Variants in SEPTIN14 observed in about 807,000 individuals in gnomAD.
The protein encoded by SEPTIN14 is septin-14.
Under a neutral mutation model 53.6 loss-of-function variants are expected in SEPTIN14, and 40 were observed. That is an observed-to-expected ratio of 0.75 (90% CI 0.58 to 0.97). The LOEUF is 0.97. Among genes scored for constraint, SEPTIN14 ranks in the 50% least tolerant of loss-of-function variants. The probability of loss-of-function intolerance (pLI) is 0.00; values close to 1 mark genes in which losing one functional copy is unlikely to be tolerated. For missense variants in SEPTIN14, 471 were observed against 508.2 expected, an observed-to-expected ratio of 0.93 and a Z score of 0.70; for synonymous variants, 138 against 166.8, an observed-to-expected ratio of 0.83 and a Z score of 1.33.
rs1788419677 is a variant in SEPTIN14 at position 55,795,698 on chromosome 7, C to T, written c.*215G>A. ...GGTCAGGCTGGTTTTGAACTCCTGA[C>T]CTCAGGTGGTCCACCCGCCTCAGCC... is the stretch of plus-strand genomic sequence containing the variant. On this transcript the variant is annotated 3_prime_UTR_variant, in exon 10 of 10. Coordinates refer to ENST00000388975, the MANE Select transcript of SEPTIN14 (RefSeq NM_207366.3). 3.8e-6 allele frequency: 2 copies of T among 532,572 alleles called. No individual in the cohort carries two copies. Among genetic ancestry groups the T allele is most frequent in the East Asian group, 3.5e-5 (1 of 28,784 alleles). 33.0% of individuals were successfully genotyped at this position (532,572 alleles called of 1,614,324 possible). A position where few individuals can be genotyped will look rare whatever the true frequency, so the allele number is the denominator to read the frequency against.
At chr7:55,805,916 A>G (rs1788603205) in intron 8 of SEPTIN14, among the ~76,000 whole-genome samples, 1 of 152,202 alleles carries the variant, frequency 6.6e-6, no homozygotes, top group Admixed American at 6.5e-5. Context: ...AGATAGTTAA[A>G]TTTTGGGTGT....
At chr7:55,845,796 T>A (rs1424497970) in intron 3 of SEPTIN14, among the ~76,000 whole-genome samples, 1 of 151,714 alleles carries the variant, frequency 6.6e-6, no homozygotes, top group African/African-American at 2.4e-5. Flanking sequence ...ACGCCTGTAA[T>A]CCCAGCACTT....
At chr7:55,841,770 G>A (rs937446400) in intron 5 of SEPTIN14, among the ~76,000 whole-genome samples, 8 of 150,346 alleles carry the variant, frequency 5.3e-5, no homozygotes, top group Non-Finnish European at 4.4e-5. Flanking sequence ...CAGGAGAATC[G>A]CTTGAACCCA....
At chr7:55,809,553 TG>T (rs750542957) in intron 7 of SEPTIN14, among the ~76,000 whole-genome samples, 2 of 151,298 alleles carry the variant, frequency 1.3e-5, no homozygotes, top group Non-Finnish European at 2.9e-5. Flanking sequence ...GACGGGGTTT[TG>T]CCATGTTGGT....
At chr7:55,823,588 T>A (rs1488025775) in intron 6 of SEPTIN14, among the ~76,000 whole-genome samples, 1 of 152,176 alleles carries the variant, frequency 6.6e-6, no homozygotes, top group East Asian at 1.9e-4. Context: ...GCCAAATGGA[T>A]GGGGCTACCT....
chr7:55,860,849 C>T (rs1182765104), intron 2 of SEPTIN14, among the ~76,000 whole-genome samples: 1 of 152,130 alleles, frequency 6.6e-6, no homozygotes, highest in African/African-American at 2.4e-5. Context: ...TAAGCCCCCA[C>T]CTGACACCAA....
chr7:55,798,990 G>A (rs759641531), intron 9 of SEPTIN14: 1 of 152,284 alleles, frequency 6.6e-6, no homozygotes, highest in Non-Finnish European at 1.5e-5. Context: ...AAGGAAGACA[G>A]AAAGAGAGGA....
intron 6 of SEPTIN14, among the ~76,000 whole-genome samples, chr7:55,824,682 G>A (rs960577075): frequency 6.6e-6 from 1 of 151,782 alleles, no homozygotes; most frequent in African/African-American, 2.4e-5. Flanking sequence ...CCAGATACTT[G>A]GGAGGCTGAG....
rs746498199 is a variant in SEPTIN14, at chr7:55,830,321, G to GTATA, written c.720+4100_720+4103dup. Among the ~76,000 whole-genome samples, 208 of 84,536 alleles carry GTATA rather than the reference G, an allele frequency of 2.5e-3. 4 individuals are homozygous for GTATA. The highest frequency in any genetic ancestry group is 9.6e-3 in the East Asian group (24 of 2,488). The allele number at this position is 84,536 out of a possible 152,430, so 55.5% of individuals were successfully genotyped here. On this transcript the variant is annotated intron_variant, in intron 6 of 9. Coordinates refer to ENST00000388975, the MANE Select transcript of SEPTIN14 (RefSeq NM_207366.3). ...GTGGTAATCAGAATGTTATCCAACT[G>GTATA]TATATATATATATATATATATATAT... is the stretch of plus-strand genomic sequence containing the variant.
At position 55,852,226 on chromosome 7, in the gene SEPTIN14, T is replaced by C. The variant is rs145240077; in HGVS notation, c.55-5589A>G. 2.8e-3 allele frequency among the ~76,000 whole-genome samples: 423 copies of C among 151,898 alleles called. 6 individuals are homozygous for C. The highest frequency in any genetic ancestry group is 0.01 in the Middle Eastern group (3 of 292). ...ACGTACCCACAAAAGACACAGAATA[T>C]TCAAAGCAATGCTGAGTACTCTGGG... On this transcript the variant is annotated intron_variant, in intron 2 of 9. Transcript: ENST00000388975.
At chr7:55,834,286 A>T in intron 6 of SEPTIN14, 139 bp downstream of exon 6, 1 of 565,444 alleles carries the variant, frequency 1.8e-6, no homozygotes, top group Non-Finnish European at 2.9e-6. Flanking sequence ...TGTATGAATT[A>T]AATCTAAATA....
At chr7:55,833,694 T>C (rs990858736) in intron 6 of SEPTIN14, among the ~76,000 whole-genome samples, 1 of 151,710 alleles carries the variant, frequency 6.6e-6, no homozygotes, top group Non-Finnish European at 1.5e-5. Flanking sequence ...GGCAACAGAG[T>C]GAGACTCTGT....
At chr7:55,813,457 C>T (rs193211447) in intron 7 of SEPTIN14, among the ~76,000 whole-genome samples, 219 of 152,286 alleles carry the variant, frequency 1.4e-3, no homozygotes, top group Non-Finnish European at 2.5e-3. Flanking sequence ...AATAGGAATG[C>T]GTGTGACCCA....
chr7:55,854,656 C>A (rs925306973), intron 2 of SEPTIN14, among the ~76,000 whole-genome samples: 5 of 152,108 alleles, frequency 3.3e-5, no homozygotes, highest in African/African-American at 1.2e-4. Flanking sequence ...TCTCAATCTC[C>A]TGACCTTGTG....
At chr7:55,821,467 A>G (rs1362184139) in intron 6 of SEPTIN14, among the ~76,000 whole-genome samples, 2 of 152,194 alleles carry the variant, frequency 1.3e-5, no homozygotes, top group African/African-American at 4.8e-5. Context: ...TCAAAAAATT[A>G]TATGTAATCC....
In SEPTIN14 at chr7:55,806,988, A is replaced by T. The variant is rs543200364; in HGVS notation, c.986+102T>A. 7.7e-5 allele frequency: 65 copies of T among 840,636 alleles called. 1 individual carries two copies. In the South Asian group the frequency reaches 1.1e-3, roughly 14 times the overall value. 52.1% of individuals were successfully genotyped at this position (840,636 alleles called of 1,614,324 possible). On this transcript the variant is annotated intron_variant, in intron 8 of 9. Coordinates refer to ENST00000388975, the MANE Select transcript of SEPTIN14 (RefSeq NM_207366.3). ...GGTGTTTTCTTTATGATGGCTCAAG[A>T]TGGGAGAAGTATAATTATTCTCATA...
In SEPTIN14 at chr7:55,793,762, T is replaced by C. The variant is rs1267476678; in HGVS notation, c.*2151A>G. On this transcript the variant is annotated 3_prime_UTR_variant, in exon 10 of 10. Transcript: ENST00000388975. The stretch of plus-strand genomic sequence containing the variant: ...AATGTTATAACTCCAGGATGTTATA[T>C]GTAATTTTCATAGTAACCAAAAACG... 6.6e-6 allele frequency: 1 copy of C among 152,214 alleles called. No homozygotes were observed. Among genetic ancestry groups the C allele is most frequent in the Non-Finnish European group, 1.5e-5 (1 of 67,982 alleles). 9.4% of individuals were successfully genotyped at this position (152,214 alleles called of 1,614,324 possible). A position where few individuals can be genotyped will look rare whatever the true frequency, so the allele number is the denominator to read the frequency against.
chr7:55,795,777 C>A lies in SEPTIN14; in HGVS notation c.*136G>T. 1 of 708,424 alleles carries A rather than the reference C, an allele frequency of 1.4e-6. No homozygotes were observed. 43.9% of individuals were successfully genotyped at this position (708,424 alleles called of 1,614,324 possible). ...GCCACCACACCCCGCTAGGAGTTCACACTTTAGTTGGGGAAAATATACAAT... is the reference window on the plus strand; with the variant it reads ...GCCACCACACCCCGCTAGGAGTTCAAACTTTAGTTGGGGAAAATATACAAT... On this transcript the variant is annotated 3_prime_UTR_variant, in exon 10 of 10. Coordinates refer to ENST00000388975, the MANE Select transcript of SEPTIN14 (RefSeq NM_207366.3).
chr7:55,838,290 T>C (rs1034602173), intron 5 of SEPTIN14, among the ~76,000 whole-genome samples: 1 of 152,210 alleles, frequency 6.6e-6, no homozygotes, highest in African/African-American at 2.4e-5. Context: ...GGCTCTTGTA[T>C]CTGAATCCTG....
Sources: allele counts gnomAD v4.1 joint callset (sites outside exome capture counted in the v4.1 genomes callset), GRCh38; gene constraint gnomAD v4.1.1; transcripts MANE v1.5; gene names NCBI Gene and HGNC (gene_info 2026-07-23, HGNC 2026-07-21).